TDRD3: variants seen among roughly 807,000 people sequenced by gnomAD.
TDRD3 encodes the protein tudor domain containing 3.
TDRD3 carries 45 observed loss-of-function variants against 86.7 expected under a neutral mutation model. The ratio of observed to expected loss-of-function variants is 0.52; its 90% confidence interval spans 0.41 to 0.67. The LOEUF is 0.67. Ranked by LOEUF, TDRD3 falls within the 30% of genes least tolerant of loss-of-function variation. The pLI, the probability that TDRD3 is intolerant of heterozygous loss-of-function variation, is 0.00. For synonymous variants in TDRD3, 298 were observed against 301.7 expected, an observed-to-expected ratio of 0.99 and a Z score of 0.13; for missense variants, 814 against 889.0, an observed-to-expected ratio of 0.92 and a Z score of 1.07.
intron 5 of TDRD3, among the ~76,000 whole-genome samples, chr13:60,483,442 C>CT (rs1956360366): frequency 6.6e-6 from 1 of 151,846 alleles, no homozygotes; most frequent in South Asian, 2.1e-4. Flanking sequence ...TAGCTTTATG[C>CT]TTTAAAATGG....
In TDRD3 at chr13:60,466,290, A is replaced by G. The variant is rs533094421; in HGVS notation, c.354-948A>G. 2.0e-5 allele frequency among the ~76,000 whole-genome samples: 3 copies of G among 152,326 alleles called. No homozygotes were observed. The East Asian group carries it at 5.8e-4, about 29-fold the overall frequency. ...TGAAATTCAACTTTGTAACAAAAAA[A>G]CAGTATTTTTTCTGTGCACAGCTAA... is the stretch of plus-strand genomic sequence containing the variant. On this transcript the variant is annotated intron_variant, in intron 4 of 13. Transcript: ENST00000377881.
chr13:60,396,301 C>A (rs916674215), upstream of TDRD3, among the ~76,000 whole-genome samples: 2 of 152,184 alleles, frequency 1.3e-5, no homozygotes, highest in African/African-American at 2.4e-5. Flanking sequence ...GGTGAAAGAC[C>A]AAGAAGGTGG....
At position 60,424,847 on chromosome 13, in the gene TDRD3, A is replaced by AT. The variant is rs962676987; in HGVS notation, c.42-14834dup. Among the ~76,000 whole-genome samples the AT allele has an allele frequency of 1.2e-4, 19 of 152,008 alleles. No homozygotes were observed. The East Asian group carries it at 3.7e-3, about 30-fold the overall frequency. ...TCTCATCTGCTTTCTGTCTCTATGG[A>AT]TTTTTTTATATGACGTTTCATATAA... is the stretch of plus-strand genomic sequence containing the variant. On this transcript the variant is annotated intron_variant, in intron 1 of 13. Coordinates refer to ENST00000377881, the MANE Select transcript of TDRD3 (RefSeq NM_001146070.2).
At chr13:60,481,084 A>T (rs1231345331) in intron 5 of TDRD3, among the ~76,000 whole-genome samples, 1 of 152,156 alleles carries the variant, frequency 6.6e-6, no homozygotes, top group Non-Finnish European at 1.5e-5. Flanking sequence ...GGAGGCTGTC[A>T]GCAAAAGTGC....
chr13:60,503,095 T>C (rs1956867403), intron 8 of TDRD3, among the ~76,000 whole-genome samples: 1 of 152,216 alleles, frequency 6.6e-6, no homozygotes, highest in Non-Finnish European at 1.5e-5. Context: ...ACAAGGATCA[T>C]CAATATTCTA....
chr13:60,484,620 A>G, intron 6 of TDRD3: 1 of 431,276 alleles, frequency 2.3e-6, no homozygotes, highest in South Asian at 1.7e-5. Flanking sequence ...ACTCTCACTT[A>G]AATAAGTCAT....
intron 7 of TDRD3, among the ~76,000 whole-genome samples, chr13:60,494,119 A>G (rs1260033841): frequency 1.3e-5 from 2 of 152,182 alleles, no homozygotes; most frequent in African/African-American, 4.8e-5. Context: ...ATTTTACCCT[A>G]AAATCATTTT....
At chr13:60,566,184 C>G (rs1958455318) in intron 12 of TDRD3, among the ~76,000 whole-genome samples, 1 of 151,830 alleles carries the variant, frequency 6.6e-6, no homozygotes, top group Admixed American at 6.6e-5. Context: ...AAAGATACTA[C>G]TGTCTTAGAA....
chr13:60,562,587 A>C (rs966842653), intron 12 of TDRD3, among the ~76,000 whole-genome samples: 2 of 152,192 alleles, frequency 1.3e-5, no homozygotes, highest in African/African-American at 4.8e-5. Context: ...TTCATAGAAT[A>C]AGTGGTTCAT....
At chr13:60,430,879 G>T (rs541181489) in intron 1 of TDRD3, among the ~76,000 whole-genome samples, 20 of 152,062 alleles carry the variant, frequency 1.3e-4, no homozygotes, top group African/African-American at 4.8e-4. Context: ...TTTTAAAATC[G>T]TCATGCTGTA....
At chr13:60,525,472 C>T (rs1376624720) in intron 10 of TDRD3, among the ~76,000 whole-genome samples, 2 of 151,816 alleles carry the variant, frequency 1.3e-5, no homozygotes, top group South Asian at 2.1e-4. Context: ...CCGCACCTGG[C>T]CAGGAATTCT....
At chr13:60,396,245 G>T (rs1027081954), upstream of TDRD3, among the ~76,000 whole-genome samples, 1 of 152,308 alleles carries the variant, frequency 6.6e-6, no homozygotes, top group East Asian at 1.9e-4. Context: ...AGATGGGGAC[G>T]CTGCCCCTTA....
At chr13:60,483,010 A>G (rs1956353490) in intron 5 of TDRD3, among the ~76,000 whole-genome samples, 1 of 152,108 alleles carries the variant, frequency 6.6e-6, no homozygotes, top group African/African-American at 2.4e-5. Flanking sequence ...TCAGAGGAAG[A>G]GATAACTGAA....
rs533228893 is a variant in TDRD3 at position 60,530,996 on chromosome 13, A to G, written c.1992+1779A>G. 2.4e-4 allele frequency among the ~76,000 whole-genome samples: 36 copies of G among 152,300 alleles called. 1 individual carries two copies. The South Asian group carries it at 7.3e-3, about 31-fold the overall frequency. ...GTGTTAGATGTTGCCTGATGATAGA[A>G]TAAGGAGGAGTACAGAGTGAAACAG... On this transcript the variant is annotated intron_variant, in intron 11 of 13. Transcript: ENST00000377881.
Position 60,528,732 on chromosome 13 carries a change from A to G in TDRD3, c.1507A>G (p.Met503Val), listed in dbSNP as rs760942561. ...TGCTTTTAAAAAAAGAGATAACTCT[A>G]TGCAAAGCAGATCAGGAAAAGGTCC... ...DGAFKKRDNS[M>V]QSRSGKGPSF... The change falls in exon 11 of 14, where the codon ATG becomes GTG. Residue 503 changes from methionine (M) to valine (V), a missense_variant. Coordinates refer to ENST00000377881, the MANE Select transcript of TDRD3 (RefSeq NM_001146070.2). 6.2e-6 allele frequency: 10 copies of G among 1,613,052 alleles called. No individual in the cohort carries two copies. Among genetic ancestry groups the G allele is most frequent in the African/African-American group, 1.3e-5 (1 of 74,848 alleles).
chr13:60,466,048 A>C (rs1308393057), intron 4 of TDRD3, among the ~76,000 whole-genome samples: 1 of 152,160 alleles, frequency 6.6e-6, no homozygotes, highest in Non-Finnish European at 1.5e-5. Flanking sequence ...TTTGCCCCAA[A>C]TCTGATAGCC....
In TDRD3 at chr13:60,397,287, A is replaced by AGGG; in HGVS notation, c.-71_-69dup. 3.5e-6 allele frequency: 2 copies of AGGG among 568,552 alleles called. No homozygotes were observed. The highest frequency in any genetic ancestry group is 3.5e-5 in the South Asian group (1 of 28,360). The allele number at this position is 568,552 out of a possible 1,614,324, so 35.2% of individuals were successfully genotyped here. ...CTTTTCTTTTCTTTTTTTTTTTTTA[A>AGGG]GGGGGGGGGTCTCAAGTAGGAGGCC... On this transcript the variant is annotated 5_prime_UTR_variant, in exon 1 of 14. Transcript: ENST00000377881.
intron 12 of TDRD3, among the ~76,000 whole-genome samples, chr13:60,540,223 GCAATATAAA>G: frequency 6.6e-6 from 1 of 152,152 alleles, no homozygotes. Context: ...ATTTTCTTTT[GCAATATAAA>G]CAACAGTAAA....
At chr13:60,424,082 C>T (rs573541859) in intron 1 of TDRD3, among the ~76,000 whole-genome samples, 1 of 151,958 alleles carries the variant, frequency 6.6e-6, no homozygotes. Context: ...AGTGCAGTGG[C>T]GCCATCTTGG....
Sources: allele counts gnomAD v4.1 joint callset (sites outside exome capture counted in the v4.1 genomes callset), GRCh38; gene constraint gnomAD v4.1.1; transcripts MANE v1.5; gene names NCBI Gene and HGNC (gene_info 2026-07-23, HGNC 2026-07-21).